TECRL: variants seen among roughly 807,000 people sequenced by gnomAD.
The protein encoded by TECRL is trans-2,3-enoyl-CoA reductase-like.
TECRL carries 63 observed loss-of-function variants against 52.8 expected under a neutral mutation model. That is an observed-to-expected ratio of 1.19 (90% CI 0.97 to 1.47). The LOEUF (loss-of-function observed/expected upper bound fraction) is 1.47, where lower values mean the gene tolerates loss of function less well. TECRL is among the 40% of genes most tolerant of loss of function. The pLI, the probability that TECRL is intolerant of heterozygous loss-of-function variation, is 0.00. For missense variants in TECRL, 482 were observed against 429.6 expected, an observed-to-expected ratio of 1.12 and a Z score of -1.08; for synonymous variants, 164 against 141.9, an observed-to-expected ratio of 1.16 and a Z score of -1.10.
At chr4:64,338,764 A>T (rs914119526) in intron 2 of TECRL, among the ~76,000 whole-genome samples, 3 of 152,366 alleles carry the variant, frequency 2.0e-5, no homozygotes, top group South Asian at 4.1e-4. Context: ...AATGGAGATC[A>T]TTAAAAAGTC....
intron 2 of TECRL, among the ~76,000 whole-genome samples, chr4:64,373,980 GAT>G (rs1354305264): frequency 1.9e-5 from 2 of 105,732 alleles, no homozygotes; most frequent in African/African-American, 3.6e-5. Flanking sequence ...GTATATAGTA[GAT>G]ATATATATAT....
rs372661373 is a variant in TECRL at position 64,309,376 on chromosome 4, T to G, written c.657+450A>C. ...ATTTTTTCATGTTTTGGTAGTTATT[T>G]GATAGTTCATAACTGTTGCTTTCAC... On this transcript the variant is annotated intron_variant, in intron 6 of 11. Coordinates refer to ENST00000381210, the MANE Select transcript of TECRL (RefSeq NM_001010874.5). 2.8e-4 allele frequency among the ~76,000 whole-genome samples: 42 copies of G among 152,334 alleles called. 1 individual carries two copies. The South Asian group carries it at 6.6e-3, about 24-fold the overall frequency.
chr4:64,346,316 G>A (rs534922377), intron 2 of TECRL, among the ~76,000 whole-genome samples: 2 of 152,338 alleles, frequency 1.3e-5, no homozygotes, highest in South Asian at 2.1e-4. Context: ...GCCCCAGTGA[G>A]TACTTTGTGT....
At chr4:64,333,457 C>A (rs2110055915) in intron 2 of TECRL, among the ~76,000 whole-genome samples, 1 of 152,126 alleles carries the variant, frequency 6.6e-6, no homozygotes, top group South Asian at 2.1e-4. Context: ...ATAAATAAAA[C>A]AATATTGAGC....
downstream of TECRL, chr4:64,276,312 A>G (rs1722573642): frequency 6.6e-6 from 1 of 151,960 alleles, no homozygotes; most frequent in Non-Finnish European, 1.5e-5. Flanking sequence ...AGAATTTGAG[A>G]ATATATCTTT....
intron 2 of TECRL, among the ~76,000 whole-genome samples, chr4:64,365,237 A>G (rs1320413809): frequency 6.6e-6 from 1 of 151,870 alleles, no homozygotes; most frequent in South Asian, 2.1e-4. Context: ...CATAAAAGGA[A>G]CATACCTCAA....
At chr4:64,346,258 T>C (rs933057097) in intron 2 of TECRL, among the ~76,000 whole-genome samples, 3 of 152,224 alleles carry the variant, frequency 2.0e-5, no homozygotes, top group Non-Finnish European at 4.4e-5. Context: ...TCTACCATTC[T>C]GGGATCTGGA....
chr4:64,407,483 G>A (rs1046638940), intron 1 of TECRL, among the ~76,000 whole-genome samples: 1 of 134,870 alleles, frequency 7.4e-6, no homozygotes, highest in African/African-American at 2.8e-5. Context: ...GAACTAATTG[G>A]CATGTGTGTG....
At chr4:64,312,543 C>G (rs958713976) in intron 5 of TECRL, among the ~76,000 whole-genome samples, 1 of 152,048 alleles carries the variant, frequency 6.6e-6, no homozygotes. Flanking sequence ...AGGAGGATCC[C>G]TTGAGCCCAG....
chr4:64,369,569 C>A (rs12510455), intron 2 of TECRL, among the ~76,000 whole-genome samples: 136,331 of 152,014 alleles, frequency 0.9, 61,823 homozygotes, highest in East Asian at 1. Context: ...TTTTTTCAGG[C>A]AAATAGAGGG....
At chr4:64,281,912 A>G (rs940057754) in intron 9 of TECRL, among the ~76,000 whole-genome samples, 6 of 151,888 alleles carry the variant, frequency 4.0e-5, no homozygotes, top group African/African-American at 1.4e-4. Flanking sequence ...AGTGTGTTTT[A>G]ACATTTGCCC....
chr4:64,374,070 T>TATATATATATATATATATAC (rs1722193238), intron 2 of TECRL, among the ~76,000 whole-genome samples: 2 of 96,244 alleles, frequency 2.1e-5, no homozygotes, highest in African/African-American at 7.7e-5. Flanking sequence ...TATATATATA[T>TATATATATATATATATATAC]ATATATATAT....
chr4:64,388,397 C>G (rs1577978024), intron 1 of TECRL, among the ~76,000 whole-genome samples: 1 of 151,770 alleles, frequency 6.6e-6, no homozygotes, highest in East Asian at 1.9e-4. Context: ...TTTTCTTTCA[C>G]TAATATCACA....
chr4:64,379,253 C>CACACACACACAT (rs1258263633), intron 1 of TECRL, among the ~76,000 whole-genome samples: 1 of 37,608 alleles, frequency 2.7e-5, no homozygotes, highest in Non-Finnish European at 7.6e-5. Flanking sequence ...CACATACACA[C>CACACACACACAT]ACACACACAC....
downstream of TECRL, chr4:64,276,981 A>G (rs1452198827): frequency 5.2e-6 from 7 of 1,343,962 alleles, no homozygotes; most frequent in African/African-American, 7.2e-5. Context: ...TACCTGTAGC[A>G]TTAATATTGA....
rs942291967 is a variant in TECRL at position 64,328,615 on chromosome 4, C to T, written c.287-59G>A. On this transcript the variant is annotated intron_variant, in intron 2 of 11. Coordinates refer to ENST00000381210, the MANE Select transcript of TECRL (RefSeq NM_001010874.5). Reference sequence around the variant, plus strand: ...AAAAGTGTAACTATAGCTTATAAAACTAACTGTTTCCATGGGAAGACCATT... The same window carrying T: ...AAAAGTGTAACTATAGCTTATAAAATTAACTGTTTCCATGGGAAGACCATT... 4.9e-6 allele frequency: 7 copies of T among 1,437,308 alleles called. No homozygotes were observed. In the African/African-American group the frequency reaches 7.1e-5, roughly 15 times the overall value. 89.0% of individuals were successfully genotyped at this position (1,437,308 alleles called of 1,614,324 possible).
chr4:64,376,647 C>T (rs1007632254), intron 1 of TECRL, among the ~76,000 whole-genome samples: 3 of 151,828 alleles, frequency 2.0e-5, no homozygotes, highest in African/African-American at 7.2e-5. Flanking sequence ...ACGTGATATT[C>T]CCCAGAGTAA....
intron 5 of TECRL, 31 bp from the exon 6 acceptor site, chr4:64,309,962 A>C: frequency 7.0e-7 from 1 of 1,435,318 alleles, no homozygotes; most frequent in Non-Finnish European, 9.6e-7. Context: ...TAAACATGAA[A>C]ATCCTTTTGA....
intron 7 of TECRL, among the ~76,000 whole-genome samples, chr4:64,300,252 A>G (rs569317479): frequency 2.0e-5 from 3 of 150,776 alleles, no homozygotes; most frequent in African/African-American, 7.2e-5. Context: ...ATATATTATT[A>G]ATTTGTATTA....
Sources: gnomAD v4.1 joint callset for allele counts (sites outside exome capture counted in the v4.1 genomes callset) on GRCh38, gnomAD v4.1.1 for gene constraint, MANE v1.5 for transcripts, NCBI Gene and HGNC (gene_info 2026-07-23, HGNC 2026-07-21) for gene names.